The following MYH8 variants were observed in gnomAD, a reference collection of about 807,000 sequenced individuals.
MYH8 encodes the protein myosin-8.
In MYH8, 168 loss-of-function variants were observed where a neutral mutation model predicts 233.2. That is an observed-to-expected ratio of 0.72 (90% CI 0.64 to 0.82). MYH8 has a LOEUF of 0.82. MYH8 is among the 40% of genes least tolerant of loss of function. The pLI is 0.00. For missense variants in MYH8, 1,995 were observed against 2,327.8 expected (o/e 0.86, Z 2.94); for synonymous variants, 785 against 850.6 (o/e 0.92, Z 1.34).
chr17:10,392,421 C>T, intron 38 of MYH8, 121 bp downstream of exon 38: 1 of 928,026 alleles, frequency 1.1e-6, no homozygotes, highest in Admixed American at 1.8e-5. Context: ...TGTCTTTACT[C>T]CTTACATGTA....
chr17:10,407,061 A>C (rs1037553557), intron 17 of MYH8, 82 bp from the exon 18 acceptor site: 398 of 1,067,560 alleles, frequency 3.7e-4, no homozygotes, highest in Non-Finnish European at 5.4e-4. Flanking sequence ...GAACCTAGAC[A>C]GTCCTTTAAC....
chr17:10,419,349 C>A lies in MYH8; in HGVS notation c.211-319G>T, dbSNP rs1380796851. On this transcript the variant is annotated intron_variant, in intron 3 of 39. Transcript: ENST00000403437. This position sits in a 1 kb window ranked among gnomAD's most constrained non-coding sequence, Gnocchi z 4.0. The stretch of plus-strand genomic sequence containing the variant: ...CTGGGATTACAGGCGTGAGCCACTG[C>A]GCCTGGCTAAGACCAGTTCGTTTTA... Among the ~76,000 whole-genome samples, 1 of 152,144 alleles carries A rather than the reference C, an allele frequency of 6.6e-6. No homozygotes were observed. Among genetic ancestry groups the A allele is most frequent in the South Asian group, 2.1e-4 (1 of 4,824 alleles).
intron 28 of MYH8, 44 bp from the exon 29 acceptor site, chr17:10,398,930 TAAGC>T (rs2072105688): frequency 7.0e-7 from 1 of 1,420,758 alleles, no homozygotes; most frequent in Admixed American, 1.7e-5. Context: ...GGCATAAAAA[TAAGC>T]CTAAACCTTT....
At chr17:10,407,199 A>G (rs1297225102) in intron 17 of MYH8, among the ~76,000 whole-genome samples, 1 of 152,222 alleles carries the variant, frequency 6.6e-6, no homozygotes, top group Non-Finnish European at 1.5e-5. Context: ...ATTCCTTTGT[A>G]ACACCAGGGA....
rs2072284042 is a variant in MYH8, at chr17:10,415,664, G to T, written c.539+17C>A. 6.2e-7 allele frequency: 1 copy of T among 1,613,440 alleles called. No individual in the cohort carries two copies. The highest frequency in any genetic ancestry group is 8.5e-7 in the Non-Finnish European group (1 of 1,179,622). ...AAGACAATCCTTGCAAATCAGAGAA[G>T]AAAAAAAATCACATACGTGATCAGG... On this transcript the variant is annotated intron_variant, in intron 6 of 39. Coordinates refer to ENST00000403437, the MANE Select transcript of MYH8 (RefSeq NM_002472.3). This position sits in a 1 kb window ranked among gnomAD's most constrained non-coding sequence, Gnocchi z 4.1.
Position 10,415,154 on chromosome 17 carries a change from C to G in MYH8, c.767G>C (p.Gly256Ala). Residue 256 changes from glycine (G) to alanine (A), a missense_variant, in exon 9 of 40, where the codon GGT (glycine) becomes GCT (alanine). Transcript: ENST00000403437. The surrounding 1 kb of genome is among the most constrained non-coding windows in gnomAD (Gnocchi z 4.1). ...AGCAGATGCCAGCTTCCCTGTAGTA[C>G]CAAAGTGGATTCTAATGAATTTACC... ...RFGKFIRIHF[G>A]TTGKLASADI... The G allele has an allele frequency of 6.2e-7, 1 of 1,613,408 alleles. No homozygotes were observed. The highest frequency in any genetic ancestry group is 8.5e-7 in the Non-Finnish European group (1 of 1,179,404).
intron 2 of MYH8, among the ~76,000 whole-genome samples, chr17:10,420,840 T>G (rs1273748332): frequency 6.6e-6 from 1 of 152,238 alleles, no homozygotes; most frequent in African/African-American, 2.4e-5. Flanking sequence ...TTTTTGTAAT[T>G]TGGGTTGTTC....
chr17:10,391,424 A>T (rs2072022414), intron 39 of MYH8, among the ~76,000 whole-genome samples: 4 of 152,188 alleles, frequency 2.6e-5, no homozygotes, highest in Admixed American at 2.6e-4. Context: ...TCATGCCTGT[A>T]ATCCCAGCAC....
At chr17:10,412,241 T>C in intron 14 of MYH8, 129 bp downstream of exon 14, 1 of 1,569,162 alleles carries the variant, frequency 6.4e-7, no homozygotes, top group East Asian at 2.2e-5. Context: ...ATTTTGGAGA[T>C]AACCTTTGTT....
Position 10,409,380 on chromosome 17 carries a change from T to C in MYH8, c.1796A>G (p.Lys599Arg), listed in dbSNP as rs759886565. The C allele has an allele frequency of 7.4e-6, 12 of 1,614,128 alleles. No homozygotes were observed. Residue 599 changes from lysine (K) to arginine (R), a missense_variant, in exon 16 of 40, where the codon AAA becomes AGA. Around this residue, in one of 3 missense-constraint regions of MYH8, gnomAD observed 1,498 missense variants for 1,680.9 expected, o/e 0.89. Transcript: ENST00000403437. ...VDYNITGWLD[K>R]NKDPLNDTVV... is the part of the protein sequence containing the mutation. Reference sequence around the variant, plus strand: ...AGTATCATTCAGGGGGTCCTTATTTTTGTCCAGCCAGCCAGTAATGTTGTA... The same window carrying C: ...AGTATCATTCAGGGGGTCCTTATTTCTGTCCAGCCAGCCAGTAATGTTGTA...
At position 10,396,286 on chromosome 17, in the gene MYH8, G is replaced by T. The variant is rs1428963228; in HGVS notation, c.4653+44C>A. 1.2e-6 allele frequency: 2 copies of T among 1,608,706 alleles called. No homozygotes were observed. Among genetic ancestry groups the T allele is most frequent in the Admixed American group, 3.3e-5 (2 of 59,814 alleles). ...CTAGCCCCACTTTTTTTTAACTGAT[G>T]TTTGTCTTTGTTTTTCCATAACATA... On this transcript the variant is annotated intron_variant, in intron 33 of 39. Transcript: ENST00000403437. The surrounding 1 kb of genome is among the most constrained non-coding windows in gnomAD (Gnocchi z 4.2).
At chr17:10,407,036 G>A in intron 17 of MYH8, 57 bp from the exon 18 acceptor site, 1 of 1,341,912 alleles carries the variant, frequency 7.5e-7, no homozygotes, top group Non-Finnish European at 1.1e-6. Flanking sequence ...GTTGTTTTTT[G>A]TAATTATATG....
Position 10,415,290 on chromosome 17 carries a change from A to T in MYH8, c.741+2T>A. 1 of 1,613,270 alleles carries T rather than the reference A, an allele frequency of 6.2e-7. No homozygotes were observed. The highest frequency in any genetic ancestry group is 1.7e-5 in the Admixed American group (1 of 60,030). On this transcript the variant is annotated splice_donor_variant, in intron 8 of 39. Coordinates refer to ENST00000403437, the MANE Select transcript of MYH8 (RefSeq NM_002472.3). LOFTEE classifies it high-confidence loss of function. This position sits in a 1 kb window ranked among gnomAD's most constrained non-coding sequence, Gnocchi z 4.1. ...GTTAGGGGTTGAGACCAAGAGACTC[A>T]CAAAGCGAGAGGAGTTGTCATTCCT...
intron 15 of MYH8, among the ~76,000 whole-genome samples, chr17:10,410,279 G>A (rs1246675204): frequency 1.3e-5 from 2 of 152,100 alleles, no homozygotes; most frequent in African/African-American, 4.8e-5. Flanking sequence ...CTTCAGCCTG[G>A]GCGACAGAGT....
chr17:10,391,757 A>G lies in MYH8; in HGVS notation c.5664+125T>C. 5.2e-6 allele frequency: 4 copies of G among 773,524 alleles called. No individual in the cohort carries two copies. In the Middle Eastern group the frequency reaches 8.3e-4, roughly 161 times the overall value. The allele number at this position is 773,524 out of a possible 1,614,324, so 47.9% of individuals were successfully genotyped here. On this transcript the variant is annotated intron_variant, in intron 39 of 39. Transcript: ENST00000403437. ...GGCGGGACAAATTCATATTTATAAA[A>G]TCATCCCTCTTAAAATGAGTGGTAG... is the stretch of plus-strand genomic sequence containing the variant.
rs980863764 is a variant in MYH8 at position 10,400,263 on chromosome 17, A to C, written c.3735+127T>G. On this transcript the variant is annotated intron_variant, in intron 27 of 39. Coordinates refer to ENST00000403437, the MANE Select transcript of MYH8 (RefSeq NM_002472.3). This position sits in a 1 kb window ranked among gnomAD's most constrained non-coding sequence, Gnocchi z 4.0. ...ACCAGCATTTTAAAAAATACCATAG[A>C]ATGGGATATATTTGGTTAGAAAATA... 8 of 1,252,328 alleles carry C rather than the reference A, an allele frequency of 6.4e-6. No homozygotes were observed. Among genetic ancestry groups the C allele is most frequent in the Admixed American group, 3.4e-5 (2 of 58,898 alleles). 77.6% of individuals were successfully genotyped at this position (1,252,328 alleles called of 1,614,324 possible). A position where few individuals can be genotyped will look rare whatever the true frequency, so the allele number is the denominator to read the frequency against.
intron 18 of MYH8, 39 bp downstream of exon 18, chr17:10,406,853 A>T (rs1176268285): frequency 6.2e-7 from 1 of 1,613,120 alleles, no homozygotes; most frequent in Admixed American, 1.7e-5. Flanking sequence ...TAACTTTCAA[A>T]CCTGTGCCCG....
rs1480310527 is a variant in MYH8, at chr17:10,419,602, T to A, written c.210+416A>T. 6.6e-6 allele frequency among the ~76,000 whole-genome samples: 1 copy of A among 152,208 alleles called. No homozygotes were observed. Among genetic ancestry groups the A allele is most frequent in the Non-Finnish European group, 1.5e-5 (1 of 68,022 alleles). ...ATCCCAGATTTATCAGTTTATATCC[T>A]TTTTTTCTTATTTTAGTAGGCTAAA... On this transcript the variant is annotated intron_variant, in intron 3 of 39. Transcript: ENST00000403437. The surrounding 1 kb of genome is among the most constrained non-coding windows in gnomAD (Gnocchi z 4.0).
Position 10,401,582 on chromosome 17 carries a change from C to T in MYH8, c.2892G>A (p.Leu964=), listed in dbSNP as rs746869773. ...CATGTTTCTCCTTCTCAACCTTGGC[C>T]AGTGTCAGCTCAAGGTCATCAATGT... ...KKDIDDLELT[L]AKVEKEKHAT... is the part of the protein sequence containing the mutation. The change falls in exon 23 of 40, where the codon CTG becomes CTA. Residue 964 remains leucine, a synonymous_variant. Coordinates refer to ENST00000403437, the MANE Select transcript of MYH8 (RefSeq NM_002472.3). 6.2e-7 allele frequency: 1 copy of T among 1,614,110 alleles called. No homozygotes were observed. Among genetic ancestry groups the T allele is most frequent in the Non-Finnish European group, 8.5e-7 (1 of 1,180,008 alleles).
Sources: allele counts gnomAD v4.1 joint callset (sites outside exome capture counted in the v4.1 genomes callset), GRCh38; gene constraint gnomAD v4.1.1; regional missense constraint gnomAD v4.1.1; non-coding constraint Gnocchi (gnomAD v3.1); transcripts MANE v1.5; gene names NCBI Gene and HGNC (gene_info 2026-07-23, HGNC 2026-07-21).